Variants in PCM1 observed in about 807,000 individuals in gnomAD.
PCM1 encodes the protein pericentriolar material 1 protein.
In PCM1, 157 loss-of-function variants were observed where a neutral mutation model predicts 241.9. That is an observed-to-expected ratio of 0.65 (90% CI 0.57 to 0.74). The LOEUF (loss-of-function observed/expected upper bound fraction) is 0.74, where lower values mean the gene tolerates loss of function less well. PCM1 is among the 30% of genes least tolerant of loss of function. The pLI is 0.00. For synonymous variants in PCM1, 1,085 were observed against 784.9 expected (o/e 1.38, Z -6.39); for missense variants, 3,478 against 2,360.1 (o/e 1.47, Z -9.81).
intron 2 of PCM1, among the ~76,000 whole-genome samples, chr8:17,931,267 G>A (rs2058936779): frequency 1.3e-5 from 2 of 152,046 alleles, no homozygotes; most frequent in South Asian, 4.1e-4. Flanking sequence ...GAAATAGAAT[G>A]CGTAAAACAT....
chr8:18,015,064 G>A (rs1215859662), intron 36 of PCM1, among the ~76,000 whole-genome samples: 1 of 152,070 alleles, frequency 6.6e-6, no homozygotes, highest in Admixed American at 6.6e-5. Context: ...GAACCAAAGG[G>A]ATAAAAAGAT....
Position 17,953,198 on chromosome 8 carries a change from T to A in PCM1, c.1288+12T>A. On this transcript the variant is annotated intron_variant, in intron 9 of 38. Coordinates refer to ENST00000325083, the MANE Select transcript of PCM1 (RefSeq NM_006197.4). The stretch of plus-strand genomic sequence containing the variant: ...TAACAATTCATCATGTGAGTAAATC[T>A]GGTTCAGCAGTATTGGGTATAAGAC... 6.9e-7 allele frequency: 1 copy of A among 1,453,434 alleles called. No homozygotes were observed. Among genetic ancestry groups the A allele is most frequent in the Non-Finnish European group, 9.5e-7 (1 of 1,057,014 alleles). 90.0% of individuals were successfully genotyped at this position (1,453,434 alleles called of 1,614,324 possible).
rs1175896140 is a variant in PCM1, at chr8:17,960,416, C to T, written c.2294C>T (p.Ala765Val). 2.1e-5 allele frequency: 33 copies of T among 1,603,052 alleles called. No individual in the cohort carries two copies. The highest frequency in any genetic ancestry group is 2.6e-5 in the Non-Finnish European group (31 of 1,176,172). Residue 765 changes from alanine (A) to valine (V), a missense_variant, in exon 15 of 39, where the codon GCA becomes GTA. Physicochemically the swap from Ala to Val is moderately conservative, Grantham distance 64. Coordinates refer to ENST00000325083, the MANE Select transcript of PCM1 (RefSeq NM_006197.4). ...KLIDIQEKIQ[A>V]LQTACPDLQL... ...ATTGACATTCAGGAGAAAATTCAAG[C>T]ATTGCAAACGGCATGCCCTGACTTA...
At chr8:17,936,693 GT>G (rs781617105) in intron 3 of PCM1, among the ~76,000 whole-genome samples, 1 of 152,062 alleles carries the variant, frequency 6.6e-6, no homozygotes, top group African/African-American at 2.4e-5. Flanking sequence ...ACAGTGGAGT[GT>G]TTTTTCAGAA....
chr8:17,992,982 C>T (rs2085315635), intron 28 of PCM1, among the ~76,000 whole-genome samples: 2 of 110,728 alleles, frequency 1.8e-5, no homozygotes, highest in African/African-American at 3.4e-5. Context: ...TTTGTAGATT[C>T]TGGGTATTAG....
At chr8:17,948,544 C>A (rs7821708) in intron 7 of PCM1, among the ~76,000 whole-genome samples, 66,342 of 151,696 alleles carry the variant, frequency 0.44, 17,293 homozygotes, top group Non-Finnish European at 0.61. Flanking sequence ...ACCTTGTGAT[C>A]TGCCCGCCTT....
chr8:17,926,808 G>C (rs972957706), intron 2 of PCM1: 1 of 152,210 alleles, frequency 6.6e-6, no homozygotes, highest in African/African-American at 2.4e-5. Flanking sequence ...GTTTCAGCAG[G>C]AATCAAGTGA....
chr8:17,949,559 G>C (rs906852652), intron 7 of PCM1, among the ~76,000 whole-genome samples: 1 of 143,912 alleles, frequency 6.9e-6, no homozygotes, highest in South Asian at 2.2e-4. Context: ...TACAGTGGGC[G>C]TGATCTTGGC....
chr8:18,000,724 C>T (rs1188362044), intron 29 of PCM1, among the ~76,000 whole-genome samples: 3 of 152,018 alleles, frequency 2.0e-5, no homozygotes, highest in Non-Finnish European at 2.9e-5. Context: ...TGGGTTCAAG[C>T]GATTCTCCCA....
intron 4 of PCM1, among the ~76,000 whole-genome samples, 182 bp downstream of exon 4, chr8:17,937,561 T>C (rs1174142936): frequency 1.3e-5 from 2 of 152,122 alleles, no homozygotes; most frequent in African/African-American, 4.8e-5. Context: ...GGAAATGAAG[T>C]CCCATTTCTA....
At position 17,969,876 on chromosome 8, in the gene PCM1, T is replaced by G. The variant is rs77595984; in HGVS notation, c.3584+128T>G. The G allele has an allele frequency of 8.4e-4, 590 of 698,470 alleles. 1 individual carries two copies. In the African/African-American group the frequency reaches 9.7e-3, roughly 11 times the overall value. 43.3% of individuals were successfully genotyped at this position (698,470 alleles called of 1,614,324 possible). A position where few individuals can be genotyped will look rare whatever the true frequency, so the allele number is the denominator to read the frequency against. ...ATTTGGCTTGATGATGTTGGAAATA[T>G]GAAACTTTGACGTATCAGTAGATGA... On this transcript the variant is annotated intron_variant, in intron 22 of 38. Transcript: ENST00000325083.
chr8:17,946,990 C>T (rs2064062771), intron 6 of PCM1, among the ~76,000 whole-genome samples, 196 bp from the exon 7 acceptor site: 1 of 152,094 alleles, frequency 6.6e-6, no homozygotes, highest in African/African-American at 2.4e-5. Flanking sequence ...GAAATTACCT[C>T]TTAAGTGGCA....
chr8:17,940,893 G>A (rs898016618), intron 6 of PCM1, among the ~76,000 whole-genome samples: 2 of 152,116 alleles, frequency 1.3e-5, no homozygotes, highest in African/African-American at 2.4e-5. Context: ...CCTATTACAG[G>A]CTAGTAAAGC....
intron 7 of PCM1, 55 bp downstream of exon 7, chr8:17,947,418 A>G: frequency 8.0e-7 from 1 of 1,250,044 alleles, no homozygotes; most frequent in Non-Finnish European, 1.1e-6. Flanking sequence ...ACATAATTGT[A>G]TTGCAGGGTG....
chr8:17,927,856 A>G (rs2057595649), intron 2 of PCM1: 1 of 95,794 alleles, frequency 1.0e-5, no homozygotes, highest in African/African-American at 4.4e-5. Flanking sequence ...GCCTAACAGG[A>G]TTTTCTTAAA....
chr8:18,005,508 T>A (rs766228600), intron 29 of PCM1, among the ~76,000 whole-genome samples: 24 of 152,006 alleles, frequency 1.6e-4, no homozygotes, highest in Non-Finnish European at 3.2e-4. Context: ...GGTTTAGGAT[T>A]TGCTTAAATG....
At chr8:17,958,692 GCT>G (rs1343012799) in intron 13 of PCM1, among the ~76,000 whole-genome samples, 1 of 151,260 alleles carries the variant, frequency 6.6e-6, no homozygotes, top group Non-Finnish European at 1.5e-5. Flanking sequence ...AGGTGAGCGT[GCT>G]CTCTCGGTTC....
chr8:18,013,617 C>CT (rs1181918927), intron 34 of PCM1, among the ~76,000 whole-genome samples: 3 of 152,132 alleles, frequency 2.0e-5, no homozygotes, highest in Non-Finnish European at 4.4e-5. Context: ...CCTCTCCCTG[C>CT]TGAAGGCATT....
At chr8:18,019,833 C>G (rs1302557470) in intron 36 of PCM1, among the ~76,000 whole-genome samples, 1 of 152,098 alleles carries the variant, frequency 6.6e-6, no homozygotes, top group African/African-American at 2.4e-5. Flanking sequence ...GTTGCAGATC[C>G]CTGCTGTAGA....
Sources: gnomAD v4.1 joint callset for allele counts (sites outside exome capture counted in the v4.1 genomes callset) on GRCh38, gnomAD v4.1.1 for gene constraint, MANE v1.5 for transcripts, NCBI Gene and HGNC (gene_info 2026-07-23, HGNC 2026-07-21) for gene names.